The following ARHGEF28 variants were observed in gnomAD, a reference collection of about 807,000 sequenced individuals.
The protein encoded by ARHGEF28 is Rho guanine nucleotide exchange factor 28, also known as 190 kDa guanine nucleotide exchange factor.
In ARHGEF28, 152 loss-of-function variants were observed where a neutral mutation model predicts 206.6. The observed-to-expected ratio is 0.74, with a 90% CI of 0.64 to 0.84. The LOEUF is 0.84. ARHGEF28 is among the 40% of genes least tolerant of loss of function. The pLI is 0.00. For missense variants in ARHGEF28, 2,028 were observed against 2,073.2 expected, an observed-to-expected ratio of 0.98 and a Z score of 0.42; for synonymous variants, 763 against 776.4, an observed-to-expected ratio of 0.98 and a Z score of 0.29.
chr5:73,872,878 A>G (rs761831032), intron 21 of ARHGEF28, 121 bp from the exon 22 acceptor site: 26 of 1,140,922 alleles, frequency 2.3e-5, no homozygotes, highest in African/African-American at 3.1e-5. Flanking sequence ...AATATTCTTG[A>G]TATTCCTAAA....
chr5:73,872,315 C>T (rs1306144827), intron 21 of ARHGEF28, among the ~76,000 whole-genome samples: 1 of 151,898 alleles, frequency 6.6e-6, no homozygotes, highest in African/African-American at 2.4e-5. Flanking sequence ...AATCCTTTGA[C>T]CATTTTTGAA....
At chr5:73,665,516 C>A (rs1232484374) in intron 1 of ARHGEF28, among the ~76,000 whole-genome samples, 1 of 152,102 alleles carries the variant, frequency 6.6e-6, no homozygotes, top group Non-Finnish European at 1.5e-5. Flanking sequence ...CTGTTTTGTG[C>A]TGCTCTAATG....
At chr5:73,825,417 C>CTGGAG (rs1229734204) in intron 9 of ARHGEF28, among the ~76,000 whole-genome samples, 1 of 152,054 alleles carries the variant, frequency 6.6e-6, no homozygotes, top group African/African-American at 2.4e-5. Flanking sequence ...GCTTGTGGGG[C>CTGGAG]TGGAGTAGAG....
In ARHGEF28 at chr5:73,898,086, G is replaced by T. The variant is rs780467552; in HGVS notation, c.3966G>T (p.Pro1322=). The change falls in exon 30 of 36, where the codon CCG becomes CCT. Residue 1322 remains proline, a synonymous_variant. Coordinates refer to ENST00000513042, the MANE Select transcript of ARHGEF28 (RefSeq NM_001177693.2). The part of the protein sequence containing the change: ...TLSSHDVPGS[P]TASLVTGGRE... The stretch of plus-strand genomic sequence containing the variant: ...GTTCTCATGATGTACCAGGATCACC[G>T]ACTGCCTGTAAGTGAAAATGCAGGC... 6.2e-7 allele frequency: 1 copy of T among 1,611,372 alleles called. No individual in the cohort carries two copies. Among genetic ancestry groups the T allele is most frequent in the South Asian group, 1.1e-5 (1 of 90,216 alleles).
chr5:73,730,534 A>ATTTT (rs968990208), intron 2 of ARHGEF28, among the ~76,000 whole-genome samples: 17 of 117,408 alleles, frequency 1.4e-4, no homozygotes, highest in African/African-American at 1.4e-4. Context: ...CATAAGGAGG[A>ATTTT]TTTTTTTTTT....
At chr5:73,698,408 A>C (rs1299982485) in intron 2 of ARHGEF28, among the ~76,000 whole-genome samples, 1 of 152,136 alleles carries the variant, frequency 6.6e-6, no homozygotes, top group Non-Finnish European at 1.5e-5. Context: ...TCTGATGGAA[A>C]TCTGGTGACC....
chr5:73,745,124 A>G (rs1751651999), intron 2 of ARHGEF28, among the ~76,000 whole-genome samples: 1 of 152,004 alleles, frequency 6.6e-6, no homozygotes, highest in Admixed American at 6.6e-5. Context: ...CATGCCATAT[A>G]TTTAAGAAAC....
intron 16 of ARHGEF28, 56 bp from the exon 17 acceptor site, chr5:73,864,761 A>G: frequency 6.8e-7 from 1 of 1,459,922 alleles, no homozygotes; most frequent in Non-Finnish European, 9.5e-7. Context: ...TAGTCTTATT[A>G]ATTTCAGACT....
At chr5:73,863,043 A>G (rs1759493993) in intron 16 of ARHGEF28, 1 of 151,902 alleles carries the variant, frequency 6.6e-6, no homozygotes, top group Admixed American at 6.6e-5. Context: ...TTTTCCCTTC[A>G]TTGCTTTGCC....
intron 1 of ARHGEF28, among the ~76,000 whole-genome samples, chr5:73,635,070 G>A (rs925399395): frequency 6.6e-6 from 1 of 152,200 alleles, no homozygotes; most frequent in Non-Finnish European, 1.5e-5. Context: ...TGGGCCGGGT[G>A]CAGTGGCTCA....
intron 30 of ARHGEF28, 145 bp from the exon 31 acceptor site, chr5:73,901,039 C>A: frequency 1.6e-6 from 1 of 629,074 alleles, no homozygotes; most frequent in Non-Finnish European, 2.8e-6. Flanking sequence ...CTCATCCAAG[C>A]ACCTCATCTA....
intron 29 of ARHGEF28, among the ~76,000 whole-genome samples, chr5:73,895,717 G>A (rs1351141090): frequency 6.6e-6 from 1 of 152,176 alleles, no homozygotes; most frequent in Admixed American, 6.5e-5. Flanking sequence ...ACATCTGCTT[G>A]TTTATGTGTT....
At chr5:73,870,620 G>A (rs1485181283) in intron 21 of ARHGEF28, among the ~76,000 whole-genome samples, 5 of 152,102 alleles carry the variant, frequency 3.3e-5, no homozygotes, top group Non-Finnish European at 7.4e-5. Context: ...ATTGCATATG[G>A]CCTTCCAGTT....
intron 23 of ARHGEF28, 66 bp downstream of exon 23, chr5:73,882,660 C>G (rs923618636): frequency 8.9e-6 from 12 of 1,342,126 alleles, no homozygotes; most frequent in Non-Finnish European, 1.2e-5. Flanking sequence ...ATGCTTGTTT[C>G]TTAATGATTT....
At chr5:73,897,892 A>G (rs886214474) in intron 29 of ARHGEF28, 70 bp from the exon 30 acceptor site, 14 of 1,485,726 alleles carry the variant, frequency 9.4e-6, no homozygotes, top group Non-Finnish European at 1.3e-5. Context: ...CGATTTGCCA[A>G]TTCCTGGTCT....
intron 9 of ARHGEF28, among the ~76,000 whole-genome samples, chr5:73,799,594 T>C (rs1328485457): frequency 6.6e-6 from 1 of 152,222 alleles, no homozygotes; most frequent in Non-Finnish European, 1.5e-5. Flanking sequence ...GTGGTGACAC[T>C]CATACTGAAG....
rs553969119 is a variant in ARHGEF28 at position 73,697,445 on chromosome 5, G to A, written c.33+12561G>A. 5.3e-5 allele frequency among the ~76,000 whole-genome samples: 8 copies of A among 152,284 alleles called. No individual in the cohort carries two copies. In the South Asian group the frequency reaches 6.2e-4, roughly 12 times the overall value. ...TATATCTTATAGAACTAGAAGCTGG[G>A]AAGTCCAAAGTTGAGGGGGCACGTG... is the stretch of plus-strand genomic sequence containing the variant. On this transcript the variant is annotated intron_variant, in intron 2 of 35. Transcript: ENST00000513042.
intron 22 of ARHGEF28, among the ~76,000 whole-genome samples, chr5:73,880,925 G>T (rs1340911509): frequency 8.1e-6 from 1 of 124,022 alleles, no homozygotes. Context: ...ATCAGAAGTG[G>T]CACCCTGCCT....
chr5:73,891,093 A>G (rs547409058), intron 26 of ARHGEF28, among the ~76,000 whole-genome samples: 1 of 152,122 alleles, frequency 6.6e-6, no homozygotes, highest in African/African-American at 2.4e-5. Flanking sequence ...TTGAGTGCCT[A>G]CTCTATGCTT....
Sources: gnomAD v4.1 joint callset for allele counts (sites outside exome capture counted in the v4.1 genomes callset) on GRCh38, gnomAD v4.1.1 for gene constraint, MANE v1.5 for transcripts, NCBI Gene and HGNC (gene_info 2026-07-23, HGNC 2026-07-21) for gene names.